Variants in ALPK1 observed in about 807,000 individuals in gnomAD.
The protein encoded by ALPK1 is alpha kinase 1.
A neutral mutation model predicts 120.6 loss-of-function variants in ALPK1; 110 were observed. The ratio of observed to expected loss-of-function variants is 0.91; its 90% CI spans 0.78 to 1.07. The LOEUF (loss-of-function observed/expected upper bound fraction) is 1.07. Ranked by LOEUF, ALPK1 falls within the 50% of genes least tolerant of loss-of-function variation. The pLI, the probability that ALPK1 is intolerant of heterozygous loss-of-function variation, is 0.00. For synonymous variants in ALPK1, 582 were observed against 560.3 expected (o/e 1.04, Z -0.55); for missense variants, 1,498 against 1,483.9 (o/e 1.01, Z -0.16).
intron 9 of ALPK1, among the ~76,000 whole-genome samples, chr4:112,428,913 T>C (rs564536146): frequency 4.6e-5 from 7 of 152,352 alleles, no homozygotes; most frequent in Non-Finnish European, 1.0e-4. Flanking sequence ...ACTGCCACCG[T>C]CCTCCAAAGA....
intron 4 of ALPK1, among the ~76,000 whole-genome samples, chr4:112,388,169 T>G (rs943720235): frequency 1.3e-5 from 2 of 152,246 alleles, no homozygotes; most frequent in Non-Finnish European, 2.9e-5. Flanking sequence ...TTGTATTATC[T>G]TGGTGCCTTT....
chr4:112,424,155 TG>T (rs1243326058), intron 6 of ALPK1, 152 bp downstream of exon 6: 9 of 659,536 alleles, frequency 1.4e-5, no homozygotes, highest in Non-Finnish European at 2.0e-5. Context: ...GAAGAAGCTT[TG>T]ATCAAGCAGC....
At chr4:112,398,139 G>T (rs1378615810) in intron 4 of ALPK1, among the ~76,000 whole-genome samples, 1 of 152,150 alleles carries the variant, frequency 6.6e-6, no homozygotes, top group Non-Finnish European at 1.5e-5. Flanking sequence ...CATTGCAGAT[G>T]GAAGGAGCAA....
chr4:112,307,444 G>C (rs1578447468), intron 1 of ALPK1, among the ~76,000 whole-genome samples: 2 of 152,082 alleles, frequency 1.3e-5, no homozygotes, highest in East Asian at 3.8e-4. Flanking sequence ...CCTGTATTGA[G>C]TGCATATATA....
At chr4:112,334,723 TAGGTAACTCAG>T (rs1252128132) in intron 2 of ALPK1, among the ~76,000 whole-genome samples, 1 of 152,172 alleles carries the variant, frequency 6.6e-6, no homozygotes. Context: ...TATTTTAAAC[TAGGTAACTCAG>T]AGGCTCTTCT....
At chr4:112,408,548 A>C (rs533298451) in intron 4 of ALPK1, among the ~76,000 whole-genome samples, 1 of 150,776 alleles carries the variant, frequency 6.6e-6, no homozygotes, top group East Asian at 2.0e-4. Context: ...TTGGCTCGCT[A>C]CAACCTCTGC....
Position 112,435,796 on chromosome 4 carries a change from G to A in ALPK1, c.3188+495G>A, listed in dbSNP as rs550674452. Among the ~76,000 whole-genome samples, 265 of 152,328 alleles carry A rather than the reference G, an allele frequency of 1.7e-3. 2 individuals carry two copies. The highest frequency in any genetic ancestry group is 6.3e-3 in the African/African-American group (261 of 41,580). On this transcript the variant is annotated intron_variant, in intron 12 of 15. Coordinates refer to ENST00000650871, the MANE Select transcript of ALPK1 (RefSeq NM_025144.4). ...CGTTTGAGGCAGGGGTGGAGTGAGGGTGCAGCCCGTAGCAAAAGCTACACC... is the reference window on the plus strand; with the variant it reads ...CGTTTGAGGCAGGGGTGGAGTGAGGATGCAGCCCGTAGCAAAAGCTACACC...
At chr4:112,438,690 C>T (rs764299841) in intron 13 of ALPK1, 44 bp downstream of exon 13, 3 of 1,583,994 alleles carry the variant, frequency 1.9e-6, no homozygotes, top group Non-Finnish European at 8.6e-7. Flanking sequence ...CCAAATCACA[C>T]TTGAATATCA....
intron 2 of ALPK1, among the ~76,000 whole-genome samples, chr4:112,352,087 CTGGTT>C (rs1241625356): frequency 5.9e-5 from 9 of 152,218 alleles, no homozygotes; most frequent in African/African-American, 2.2e-4. Flanking sequence ...AATGGAGTCC[CTGGTT>C]CCAACCCTAA....
chr4:112,334,228 T>G (rs1729513370), intron 2 of ALPK1, among the ~76,000 whole-genome samples: 1 of 150,760 alleles, frequency 6.6e-6, no homozygotes, highest in African/African-American at 2.4e-5. Flanking sequence ...AGGTCAAGAG[T>G]TCAAGACCAA....
At chr4:112,422,762 G>A (rs1221623373) in intron 5 of ALPK1, among the ~76,000 whole-genome samples, 3 of 152,254 alleles carry the variant, frequency 2.0e-5, no homozygotes, top group Non-Finnish European at 4.4e-5. Context: ...CATCCACACA[G>A]TAGGCATTTG....
Position 112,423,944 on chromosome 4 carries a change from GA to G in ALPK1, c.480del (p.Lys160AsnfsTer3), listed in dbSNP as rs762182103. 3.7e-6 allele frequency: 6 copies of G among 1,613,850 alleles called. No homozygotes were observed. The highest frequency in any genetic ancestry group is 5.1e-6 in the Non-Finnish European group (6 of 1,179,970). On this transcript the variant is annotated frameshift_variant and splice_region_variant, in exon 6 of 16. Coordinates refer to ENST00000650871, the MANE Select transcript of ALPK1 (RefSeq NM_025144.4). LOFTEE classifies it high-confidence loss of function. The stretch of plus-strand genomic sequence containing the variant: ...GTGGCATTTGGTTGCTGCTTTTCAG[GA>G]AAACTTTTAAAAGCAGAGTATATTC... ...IRQARISVNSGKLLKAEYILS... is the reference protein window; with the variant it reads ...IRQARISVNSXKLLKAEYILS...
chr4:112,363,891 A>T (rs1731022705), intron 2 of ALPK1, among the ~76,000 whole-genome samples: 1 of 152,232 alleles, frequency 6.6e-6, no homozygotes, highest in Non-Finnish European at 1.5e-5. Flanking sequence ...AAAATTGGAA[A>T]TCAACTCCAA....
At chr4:112,374,088 G>A (rs112475655) in intron 2 of ALPK1, among the ~76,000 whole-genome samples, 3,464 of 152,224 alleles carry the variant, frequency 0.023, 47 homozygotes, top group Admixed American at 0.032. Context: ...ATTTTTCTGT[G>A]GCATGTGATG....
intron 9 of ALPK1, among the ~76,000 whole-genome samples, chr4:112,428,273 C>G (rs1734326937): frequency 6.6e-6 from 1 of 152,176 alleles, no homozygotes; most frequent in African/African-American, 2.4e-5. Context: ...GGAGCTGAGC[C>G]CAGATCTCTG....
intron 2 of ALPK1, among the ~76,000 whole-genome samples, chr4:112,345,833 A>G (rs1730076126): frequency 1.3e-5 from 2 of 152,184 alleles, no homozygotes; most frequent in Non-Finnish European, 1.5e-5. Context: ...CAGACTCCAT[A>G]TAATTTCATT....
intron 1 of ALPK1, among the ~76,000 whole-genome samples, chr4:112,305,472 T>G (rs1728001307): frequency 6.6e-6 from 1 of 152,060 alleles, no homozygotes; most frequent in South Asian, 2.1e-4. Context: ...TCACATCCCT[T>G]GTAAGTTGGA....
In ALPK1 at chr4:112,438,560, C is replaced by T. The variant is rs1333959354; in HGVS notation, c.3265C>T (p.Gln1089Ter). 2 of 1,613,782 alleles carry T rather than the reference C, an allele frequency of 1.2e-6. No homozygotes were observed. Among genetic ancestry groups the T allele is most frequent in the Non-Finnish European group, 1.7e-6 (2 of 1,179,840 alleles). Residue 1089 changes from glutamine to a stop codon, truncating the protein, a stop_gained, in exon 13 of 16, where the codon CAG becomes TAG. Transcript: ENST00000650871. LOFTEE classifies it high-confidence loss of function. ...FTDVERQMTA[Q>*]HYVTEFNKRL... ...TGATGTGGAGCGACAGATGACCGCACAGCACTATGTGACAGAATTTAACAA... is the reference window on the plus strand; with the variant it reads ...TGATGTGGAGCGACAGATGACCGCATAGCACTATGTGACAGAATTTAACAA...
chr4:112,438,399 A>T, intron 12 of ALPK1, 85 bp from the exon 13 acceptor site: 2 of 1,253,416 alleles, frequency 1.6e-6, no homozygotes, highest in Non-Finnish European at 2.3e-6. Context: ...GCATTTCTGC[A>T]TATGTCTTTT....
Sources: gnomAD v4.1 joint callset for allele counts (sites outside exome capture counted in the v4.1 genomes callset) on GRCh38, gnomAD v4.1.1 for gene constraint, MANE v1.5 for transcripts, NCBI Gene and HGNC (gene_info 2026-07-23, HGNC 2026-07-21) for gene names.